The following ANKS1B variants were observed in gnomAD, a reference collection of about 807,000 sequenced individuals.
ANKS1B encodes the protein ankyrin repeat and sterile alpha motif domain-containing protein 1B.
In ANKS1B, 36 loss-of-function variants were observed where a neutral mutation model predicts 148.3. That is an observed-to-expected ratio of 0.24 (90% CI 0.19 to 0.32). ANKS1B has a LOEUF of 0.32. ANKS1B is among the 10% of genes least tolerant of loss of function. The probability of loss-of-function intolerance (pLI) is 1.00; values close to 1 mark genes in which losing one functional copy is unlikely to be tolerated. For synonymous variants in ANKS1B, 542 were observed against 560.8 expected (o/e 0.97, Z 0.47); for missense variants, 1,157 against 1,542.6 (o/e 0.75, Z 4.19).
Position 99,014,441 on chromosome 12 carries a change from A to C in ANKS1B, c.2778+38716T>G, listed in dbSNP as rs368510381. Among the ~76,000 whole-genome samples the C allele has an allele frequency of 5.3e-5, 8 of 152,344 alleles. No individual in the cohort carries two copies. In the East Asian group the frequency reaches 1.3e-3, roughly 26 times the overall value. On this transcript the variant is annotated intron_variant, in intron 17 of 26. Transcript: ENST00000683438. ...AACCCTGGAAGACAACCTAGGCAAT[A>C]CCATTCAGGACATAGGCATGGGCAA...
At chr12:99,068,703 C>CAGAGAG (rs10554812) in intron 16 of ANKS1B, among the ~76,000 whole-genome samples, 2 of 144,522 alleles carry the variant, frequency 1.4e-5, no homozygotes, top group African/African-American at 5.2e-5. Flanking sequence ...GGGTGGGGGG[C>CAGAGAG]AGAGAGAGAG....
At chr12:99,469,400 C>G (rs547945018) in intron 10 of ANKS1B, among the ~76,000 whole-genome samples, 113 of 151,872 alleles carry the variant, frequency 7.4e-4, no homozygotes, top group Admixed American at 2.4e-3. Context: ...TGTAACTAAT[C>G]TGCACATTGT....
At chr12:99,632,734 TA>T (rs2098176702) in intron 9 of ANKS1B, among the ~76,000 whole-genome samples, 2 of 30,436 alleles carry the variant, frequency 6.6e-5, no homozygotes, top group African/African-American at 3.8e-4. Flanking sequence ...TTTCTATATA[TA>T]TATATATATA....
At chr12:99,180,135 C>T (rs958026668) in intron 14 of ANKS1B, among the ~76,000 whole-genome samples, 6 of 152,198 alleles carry the variant, frequency 3.9e-5, no homozygotes, top group African/African-American at 1.4e-4. Context: ...CTTTGTGCTA[C>T]TGATCCTTTG....
chr12:99,684,368 CAAA>C (rs572669891), intron 8 of ANKS1B, among the ~76,000 whole-genome samples: 4 of 82,534 alleles, frequency 4.8e-5, no homozygotes, highest in South Asian at 3.5e-4. Context: ...ACAACAGCTG[CAAA>C]AAAAAAAAAA....
intron 9 of ANKS1B, among the ~76,000 whole-genome samples, chr12:99,600,157 A>G (rs2097789491): frequency 6.6e-6 from 1 of 152,016 alleles, no homozygotes; most frequent in African/African-American, 2.4e-5. Context: ...AAAAAAAAAT[A>G]GAGCATTTAG....
chr12:99,880,794 C>A (rs530748102), intron 1 of ANKS1B, among the ~76,000 whole-genome samples: 4 of 152,266 alleles, frequency 2.6e-5, no homozygotes, highest in African/African-American at 7.2e-5. Flanking sequence ...GAAAACTAAC[C>A]TTCCTCTGCC....
intron 10 of ANKS1B, among the ~76,000 whole-genome samples, chr12:99,481,281 T>C (rs990951598): frequency 1.3e-5 from 2 of 151,932 alleles, no homozygotes; most frequent in Non-Finnish European, 1.5e-5. Context: ...ATATGGTTTT[T>C]GGTTTCACAC....
chr12:99,755,413 T>C (rs897513306), intron 8 of ANKS1B, among the ~76,000 whole-genome samples: 7 of 151,918 alleles, frequency 4.6e-5, no homozygotes, highest in African/African-American at 1.5e-4. Context: ...TTCTACCAGA[T>C]GTACAAAGAA....
intron 15 of ANKS1B, among the ~76,000 whole-genome samples, chr12:99,093,138 A>G (rs1029949635): frequency 4.6e-5 from 7 of 152,216 alleles, no homozygotes; most frequent in Non-Finnish European, 8.8e-5. Context: ...ATTTTCACAC[A>G]CACAAGCTTA....
At chr12:99,533,206 T>C (rs1399833035) in intron 9 of ANKS1B, among the ~76,000 whole-genome samples, 3 of 152,196 alleles carry the variant, frequency 2.0e-5, no homozygotes, top group Non-Finnish European at 4.4e-5. Context: ...ACTTCTTTCA[T>C]TGGTGTTTTG....
chr12:99,214,278 A>G (rs1251219257), intron 14 of ANKS1B, among the ~76,000 whole-genome samples: 1 of 152,184 alleles, frequency 6.6e-6, no homozygotes, highest in Non-Finnish European at 1.5e-5. Flanking sequence ...TTTACATCAG[A>G]TTGGCTTGGG....
At chr12:99,926,536 T>C (rs2094480843) in intron 1 of ANKS1B, among the ~76,000 whole-genome samples, 1 of 152,240 alleles carries the variant, frequency 6.6e-6, no homozygotes, top group Non-Finnish European at 1.5e-5. Context: ...CAGCTCTTCC[T>C]GGGTCTCAGG....
At chr12:99,516,545 C>T (rs955578847) in intron 9 of ANKS1B, among the ~76,000 whole-genome samples, 1 of 152,000 alleles carries the variant, frequency 6.6e-6, no homozygotes, top group Non-Finnish European at 1.5e-5. Context: ...AAAATGAGAA[C>T]ACATGGACCC....
chr12:98,796,672 G>C (rs577543275), intron 22 of ANKS1B, among the ~76,000 whole-genome samples: 1 of 152,218 alleles, frequency 6.6e-6, no homozygotes, highest in South Asian at 2.1e-4. Context: ...TGGAAATAAG[G>C]GTTTATGATA....
At chr12:99,867,947 T>C (rs1341375684) in intron 1 of ANKS1B, among the ~76,000 whole-genome samples, 4 of 152,170 alleles carry the variant, frequency 2.6e-5, no homozygotes, top group African/African-American at 9.7e-5. Flanking sequence ...AATCCTGCGA[T>C]ATATAGAAAG....
At chr12:99,512,871 G>A (rs2096780349) in intron 9 of ANKS1B, among the ~76,000 whole-genome samples, 1 of 151,852 alleles carries the variant, frequency 6.6e-6, no homozygotes, top group African/African-American at 2.4e-5. Flanking sequence ...TGGACACATG[G>A]GGGGAAAAAC....
At chr12:99,266,057 G>A (rs1409962141) in intron 12 of ANKS1B, among the ~76,000 whole-genome samples, 1 of 152,140 alleles carries the variant, frequency 6.6e-6, no homozygotes, top group African/African-American at 2.4e-5. Context: ...ACAGAAAGGA[G>A]TGAACTAGAA....
At chr12:98,773,766 A>G (rs113569269) in intron 24 of ANKS1B, among the ~76,000 whole-genome samples, 7 of 152,146 alleles carry the variant, frequency 4.6e-5, no homozygotes, top group African/African-American at 1.4e-4. Flanking sequence ...TCCACTTTAA[A>G]AAATAATAGT....
Sources: allele counts gnomAD v4.1 joint callset (sites outside exome capture counted in the v4.1 genomes callset), GRCh38; gene constraint gnomAD v4.1.1; transcripts MANE v1.5; gene names NCBI Gene and HGNC (gene_info 2026-07-23, HGNC 2026-07-21).